Variants in ITSN2 observed in about 807,000 individuals in gnomAD.
The protein encoded by ITSN2 is intersectin-2.
ITSN2 carries 156 observed loss-of-function variants against 243.7 expected under a neutral mutation model. The ratio of observed to expected loss-of-function variants is 0.64; its 90% CI spans 0.56 to 0.73. The LOEUF (loss-of-function observed/expected upper bound fraction) is 0.73, where lower values mean the gene tolerates loss of function less well. Among genes scored for constraint, ITSN2 ranks in the 30% least tolerant of loss-of-function variants. The pLI is 0.00. For missense variants in ITSN2, 1,801 were observed against 1,996.1 expected (o/e 0.90, Z 1.86); for synonymous variants, 703 against 699.9 (o/e 1.00, Z -0.07).
chr2:24,318,663 T>C (rs1162472103), intron 2 of ITSN2, among the ~76,000 whole-genome samples: 3 of 152,130 alleles, frequency 2.0e-5, no homozygotes, highest in Non-Finnish European at 4.4e-5. Flanking sequence ...TACAGACCTA[T>C]TGTGAAAATT....
chr2:24,251,795 C>T (rs536734307), intron 25 of ITSN2, among the ~76,000 whole-genome samples: 2 of 151,496 alleles, frequency 1.3e-5, no homozygotes, highest in South Asian at 2.1e-4. Flanking sequence ...TATATAATTT[C>T]GCTTTTCAAA....
At chr2:24,319,195 C>T (rs1013850145) in intron 2 of ITSN2, among the ~76,000 whole-genome samples, 3 of 152,172 alleles carry the variant, frequency 2.0e-5, no homozygotes, top group Non-Finnish European at 4.4e-5. Context: ...GTCCCTCTTA[C>T]ATCTAACTCT....
intron 34 of ITSN2, 169 bp from the exon 35 acceptor site, chr2:24,210,202 A>G (rs1446479438): frequency 1.7e-6 from 1 of 590,804 alleles, no homozygotes; most frequent in Non-Finnish European, 3.0e-6. Context: ...TACTCTTCAG[A>G]GTCCAAACTG....
chr2:24,292,739 G>T (rs1418811307), intron 15 of ITSN2, among the ~76,000 whole-genome samples: 1 of 152,172 alleles, frequency 6.6e-6, no homozygotes, highest in Non-Finnish European at 1.5e-5. Flanking sequence ...CATGCATCCA[G>T]TGCTTTATAG....
At chr2:24,230,249 C>T (rs72853593) in intron 29 of ITSN2, among the ~76,000 whole-genome samples, 1,531 of 152,320 alleles carry the variant, frequency 0.01, 26 homozygotes, top group African/African-American at 0.036. Flanking sequence ...CCTGATACTT[C>T]TCACACTTCA....
Position 24,261,251 on chromosome 2 carries a change from C to A in ITSN2, c.2538-1G>T. On this transcript the variant is annotated splice_acceptor_variant, in intron 21 of 39. Transcript: ENST00000355123. LOFTEE classifies it high-confidence loss of function. ...TGCTGGTTGATTTGAAGAAAGTGGT[C>A]TGCAAATATAACACTTTGATATAAG... 1 of 1,605,032 alleles carries A rather than the reference C, an allele frequency of 6.2e-7. No individual in the cohort carries two copies. The highest frequency in any genetic ancestry group is 1.1e-5 in the South Asian group (1 of 90,448).
chr2:24,220,857 G>A, intron 30 of ITSN2, 88 bp downstream of exon 30: 7 of 1,487,696 alleles, frequency 4.7e-6, no homozygotes, highest in Non-Finnish European at 6.2e-6. Context: ...CTTTGACTCT[G>A]CGTGGAGGCA....
intron 1 of ITSN2, among the ~76,000 whole-genome samples, chr2:24,339,049 A>G (rs1364480471): frequency 1.3e-5 from 2 of 152,192 alleles, no homozygotes; most frequent in Non-Finnish European, 2.9e-5. Flanking sequence ...TCTGTTATAA[A>G]GAAAGGAAGT....
intron 20 of ITSN2, among the ~76,000 whole-genome samples, chr2:24,265,501 G>A (rs769802525): frequency 6.6e-6 from 1 of 152,090 alleles, no homozygotes; most frequent in Non-Finnish European, 1.5e-5. Flanking sequence ...TAGATTCTAT[G>A]GGACTTTTTA....
rs1178652700 is a variant in ITSN2, at chr2:24,300,112, G to A, written c.1141C>T (p.Arg381Ter). ...TGCTGCTCCATCAAGGCTTGGCGTC[G>A]CTTTTCCAGCTCCATGTTCCCTCGC... ...YERGNMELEKRRQALMEQQQR... is the reference protein window; with the variant it reads ...YERGNMELEK Residue 381 changes from arginine to a stop codon, truncating the protein, a stop_gained, in exon 12 of 40, where the codon CGA becomes TGA. Transcript: ENST00000355123. LOFTEE classifies it high-confidence loss of function. 2 of 1,613,992 alleles carry A rather than the reference G, an allele frequency of 1.2e-6. No individual in the cohort carries two copies. The highest frequency in any genetic ancestry group is 1.7e-4 in the Middle Eastern group (1 of 6,060).
intron 17 of ITSN2, among the ~76,000 whole-genome samples, chr2:24,277,953 T>C (rs375798694): frequency 2.0e-5 from 3 of 152,152 alleles, no homozygotes; most frequent in Non-Finnish European, 2.9e-5. Context: ...GGACCACGGG[T>C]TGGGGAAGCC....
At position 24,300,079 on chromosome 2, in the gene ITSN2, C is replaced by A; in HGVS notation, c.1174G>T (p.Glu392Ter). 6.2e-7 allele frequency: 1 copy of A among 1,614,108 alleles called. No homozygotes were observed. The highest frequency in any genetic ancestry group is 8.5e-7 in the Non-Finnish European group (1 of 1,180,044). Residue 392 changes from glutamate to a stop codon, truncating the protein, a stop_gained, in exon 12 of 40, where the codon GAG becomes TAG. Transcript: ENST00000355123. LOFTEE classifies it high-confidence loss of function. ...TCTTTCTGGGCTTTACGTTCTGCCT[C>A]CCTTTGTTGCTGCTCCATCAAGGCT... ...RQALMEQQQR[E>*]AERKAQKEKE...
Position 24,225,893 on chromosome 2 carries a change from C to T in ITSN2, c.3578-4827G>A, listed in dbSNP as rs753664448. Among the ~76,000 whole-genome samples the T allele has an allele frequency of 2.6e-5, 4 of 152,204 alleles. No individual in the cohort carries two copies. The highest frequency in any genetic ancestry group is 4.8e-5 in the African/African-American group (2 of 41,526). On this transcript the variant is annotated intron_variant, in intron 29 of 39. Transcript: ENST00000355123. This position sits in a 1 kb window ranked among gnomAD's most constrained non-coding sequence, Gnocchi z 4.2. ...AAAAGTCCTGATGAACTGAGGAATT[C>T]GGGTTTTATGGATAGGATACACCCC...
At chr2:24,299,840 A>T (rs1452771633) in intron 12 of ITSN2, 69 bp downstream of exon 12, 1 of 1,336,108 alleles carries the variant, frequency 7.5e-7, no homozygotes, top group Non-Finnish European at 1.0e-6. Flanking sequence ...AGCATTTTTT[A>T]ATCAAATGAA....
chr2:24,205,362 C>T lies in ITSN2; in HGVS notation c.4679-65G>A, dbSNP rs937745599. On this transcript the variant is annotated intron_variant, in intron 37 of 39. Transcript: ENST00000355123. ...AAGGATGCAGACCCTGTCTTTCAAA[C>T]CAACCATAACACTACCGGCTCCCTG... is the stretch of plus-strand genomic sequence containing the variant. The T allele has an allele frequency of 2.2e-6, 3 of 1,353,554 alleles. No homozygotes were observed. In the African/African-American group the frequency reaches 4.3e-5, roughly 19 times the overall value. The allele number at this position is 1,353,554 out of a possible 1,614,324, so 83.8% of individuals were successfully genotyped here.
At chr2:24,288,775 CCTAT>C (rs1176129920) in intron 15 of ITSN2, among the ~76,000 whole-genome samples, 1 of 152,162 alleles carries the variant, frequency 6.6e-6, no homozygotes, top group Admixed American at 6.5e-5. Context: ...ACTTATTCCT[CCTAT>C]CTAACTGAAA....
At chr2:24,221,668 C>T (rs73920039) in intron 29 of ITSN2, among the ~76,000 whole-genome samples, 3,325 of 152,258 alleles carry the variant, frequency 0.022, 112 homozygotes, top group African/African-American at 0.075. Flanking sequence ...ACCTGAAATT[C>T]CCAGATCCCA....
intron 18 of ITSN2, 33 bp downstream of exon 18, chr2:24,275,680 A>G: frequency 6.5e-7 from 1 of 1,550,328 alleles, no homozygotes; most frequent in Non-Finnish European, 8.8e-7. Context: ...TTCTAATGGC[A>G]ATATAGCACA....
intron 2 of ITSN2, among the ~76,000 whole-genome samples, chr2:24,325,651 T>G (rs72855457): frequency 0.011 from 1,677 of 152,278 alleles, 28 homozygotes; most frequent in African/African-American, 0.039. Context: ...TGTCTAATAT[T>G]TCCCTAAAAA....
Sources: allele counts gnomAD v4.1 joint callset (sites outside exome capture counted in the v4.1 genomes callset), GRCh38; gene constraint gnomAD v4.1.1; non-coding constraint Gnocchi (gnomAD v3.1); transcripts MANE v1.5; gene names NCBI Gene and HGNC (gene_info 2026-07-23, HGNC 2026-07-21).